ITGB5: variants seen among roughly 807,000 people sequenced by gnomAD.
ITGB5 encodes the protein integrin beta-5.
ITGB5 carries 38 observed loss-of-function variants against 84.8 expected under a neutral mutation model. The ratio of observed to expected loss-of-function variants is 0.45; its 90% confidence interval spans 0.35 to 0.59. The LOEUF (loss-of-function observed/expected upper bound fraction) is 0.59. ITGB5 is among the 20% of genes least tolerant of loss of function. The pLI, the probability that ITGB5 is intolerant of heterozygous loss-of-function variation, is 0.01. For synonymous variants in ITGB5, 393 were observed against 414.4 expected, an observed-to-expected ratio of 0.95 and a Z score of 0.63; for missense variants, 905 against 1,034.5, an observed-to-expected ratio of 0.87 and a Z score of 1.72.
At chr3:124,783,164 G>A (rs955169761) in intron 10 of ITGB5, among the ~76,000 whole-genome samples, 1 of 151,690 alleles carries the variant, frequency 6.6e-6, no homozygotes, top group African/African-American at 2.4e-5. Context: ...GGTGGCAGGC[G>A]CCTGTAATTC....
At chr3:124,823,632 CTATATATAAA>C (rs755125698) in intron 5 of ITGB5, among the ~76,000 whole-genome samples, 1 of 148,466 alleles carries the variant, frequency 6.7e-6, no homozygotes, top group South Asian at 2.1e-4. Context: ...TATATATAAA[CTATATATAAA>C]TATATATAAA....
chr3:124,785,436 T>C (rs775654372), intron 10 of ITGB5, among the ~76,000 whole-genome samples: 1 of 151,826 alleles, frequency 6.6e-6, no homozygotes, highest in Admixed American at 6.6e-5. Flanking sequence ...ACACAAAAAA[T>C]TAGCCAGGTG....
intron 11 of ITGB5, among the ~76,000 whole-genome samples, chr3:124,770,943 G>A (rs1487426502): frequency 1.4e-5 from 2 of 140,778 alleles, no homozygotes; most frequent in Non-Finnish European, 3.0e-5. Flanking sequence ...ACAGGGCTAA[G>A]AGGGCTGCTT....
chr3:124,886,719 C>T (rs988153358), intron 1 of ITGB5, among the ~76,000 whole-genome samples: 1 of 151,780 alleles, frequency 6.6e-6, no homozygotes, highest in Non-Finnish European at 1.5e-5. Context: ...CTCCTCAGCC[C>T]GGGAGGGAAC....
At chr3:124,885,138 G>T (rs531964219) in intron 1 of ITGB5, among the ~76,000 whole-genome samples, 13 of 152,208 alleles carry the variant, frequency 8.5e-5, no homozygotes, top group African/African-American at 2.6e-4. Flanking sequence ...GGGCATGGTC[G>T]CAGCGCCTGT....
intron 8 of ITGB5, among the ~76,000 whole-genome samples, chr3:124,812,026 G>C (rs1380385043): frequency 2.0e-5 from 3 of 152,218 alleles, no homozygotes; most frequent in Non-Finnish European, 4.4e-5. Context: ...TTTGGAAAGA[G>C]ATCATCAGGT....
intron 3 of ITGB5, among the ~76,000 whole-genome samples, chr3:124,858,474 CA>C (rs2065250590): frequency 6.6e-6 from 1 of 152,076 alleles, no homozygotes; most frequent in African/African-American, 2.4e-5. Flanking sequence ...TCACAAGAGC[CA>C]AAAGTTGAAG....
At chr3:124,824,510 A>G in intron 5 of ITGB5, among the ~76,000 whole-genome samples, 1 of 141,164 alleles carries the variant, frequency 7.1e-6, no homozygotes, top group East Asian at 2.2e-4. Context: ...CATAGGATAA[A>G]AAGTTGATGA....
intron 2 of ITGB5, among the ~76,000 whole-genome samples, chr3:124,864,143 T>C (rs1468779383): frequency 1.5e-5 from 2 of 137,546 alleles, no homozygotes; most frequent in African/African-American, 5.4e-5. Flanking sequence ...AGTCTTGCTC[T>C]GTCATCCAGG....
chr3:124,798,041 C>T (rs77378823), intron 9 of ITGB5, among the ~76,000 whole-genome samples: 6,507 of 128,986 alleles, frequency 0.05, 213 homozygotes, highest in South Asian at 0.095. Context: ...TCTATTCTTT[C>T]GGCTAGAATA....
chr3:124,879,256 C>A (rs956037981), intron 1 of ITGB5, among the ~76,000 whole-genome samples: 2 of 152,204 alleles, frequency 1.3e-5, no homozygotes, highest in African/African-American at 2.4e-5. Context: ...TTCTGTACAC[C>A]CCATGGGTCC....
intron 10 of ITGB5, among the ~76,000 whole-genome samples, chr3:124,775,231 TGAGTGTGTGAGTGCAA>T (rs531955324): frequency 0.021 from 3,217 of 152,178 alleles, 131 homozygotes; most frequent in African/African-American, 0.073. Context: ...TGAGTGTGTA[TGAGTGTGTGAGTGCAA>T]GTGTGTGTGA....
intron 5 of ITGB5, among the ~76,000 whole-genome samples, chr3:124,838,892 C>T (rs1210452470): frequency 5.3e-5 from 8 of 152,206 alleles, no homozygotes; most frequent in Non-Finnish European, 8.8e-5. Flanking sequence ...TGAGCCACCG[C>T]GCCCAGCCTC....
chr3:124,772,081 T>TG (rs2063853805), intron 11 of ITGB5, among the ~76,000 whole-genome samples: 2 of 106,426 alleles, frequency 1.9e-5, no homozygotes, highest in East Asian at 5.6e-4. Context: ...AGCTGGAGGT[T>TG]GGGGGCACCT....
In ITGB5 at chr3:124,820,815, T is replaced by C. The variant is rs187470011; in HGVS notation, c.942+498A>G. On this transcript the variant is annotated intron_variant, in intron 6 of 14. Transcript: ENST00000296181. ...ATTGCATAGTTGTGGTTATAGACTG[T>C]TGGGAGTAGATGGTCCTTGGGACCT... 1.1e-4 allele frequency among the ~76,000 whole-genome samples: 16 copies of C among 152,304 alleles called. No homozygotes were observed. In the East Asian group the frequency reaches 2.9e-3, roughly 28 times the overall value.
chr3:124,813,612 G>A (rs1385851304), intron 8 of ITGB5, among the ~76,000 whole-genome samples: 1 of 152,156 alleles, frequency 6.6e-6, no homozygotes, highest in African/African-American at 2.4e-5. Context: ...ACCCACATAT[G>A]AATAAGAGAT....
chr3:124,813,781 A>G (rs1046443530), intron 8 of ITGB5, among the ~76,000 whole-genome samples: 1 of 152,120 alleles, frequency 6.6e-6, no homozygotes, highest in African/African-American at 2.4e-5. Context: ...TCATGGAGGC[A>G]TTGTTACATG....
At chr3:124,772,947 T>A (rs2063869190) in intron 11 of ITGB5, among the ~76,000 whole-genome samples, 1 of 145,200 alleles carries the variant, frequency 6.9e-6, no homozygotes, top group South Asian at 2.2e-4. Flanking sequence ...GGAGTCTCAC[T>A]TTGTTGCCCA....
chr3:124,773,537 C>T lies in ITGB5; in HGVS notation c.1916+153G>A, dbSNP rs536464443. ...CATTTGAAAGCCACAGTTTCAGTTA[C>T]GGTTGGTAAGAATGCGGCTCCCCAG... On this transcript the variant is annotated intron_variant, in intron 11 of 14. Coordinates refer to ENST00000296181, the MANE Select transcript of ITGB5 (RefSeq NM_002213.5). 4.6e-5 allele frequency among the ~76,000 whole-genome samples: 7 copies of T among 152,286 alleles called. No individual in the cohort carries two copies. In the East Asian group the frequency reaches 5.8e-4, roughly 13 times the overall value.
Sources: allele counts gnomAD v4.1 joint callset (sites outside exome capture counted in the v4.1 genomes callset), GRCh38; gene constraint gnomAD v4.1.1; transcripts MANE v1.5; gene names NCBI Gene and HGNC (gene_info 2026-07-23, HGNC 2026-07-21).